The following FRMPD4 variants were observed in gnomAD, a reference collection of about 807,000 sequenced individuals.
FRMPD4 encodes FERM and PDZ domain containing 4.
In FRMPD4, 22 loss-of-function variants were observed where a neutral mutation model predicts 94.1. That is an observed-to-expected ratio of 0.23 (90% CI 0.17 to 0.33). The LOEUF (loss-of-function observed/expected upper bound fraction) is 0.33, where lower values mean the gene tolerates loss of function less well. Among genes scored for constraint, FRMPD4 ranks in the 10% least tolerant of loss-of-function variants. The pLI, the probability that FRMPD4 is intolerant of heterozygous loss-of-function variation, is 1.00. For missense variants in FRMPD4, 1,111 were observed against 1,339.9 expected, an observed-to-expected ratio of 0.83 and a Z score of 2.67; for synonymous variants, 631 against 548.6, an observed-to-expected ratio of 1.15 and a Z score of -2.10.
intron 1 of FRMPD4, among the ~76,000 whole-genome samples, chrX:12,439,346 C>T (rs767535246): frequency 3.6e-5 from 4 of 111,450 alleles, no homozygotes; most frequent in South Asian, 3.8e-4. Flanking sequence ...TGCAAACATC[C>T]GTGAAATGAT....
intron 1 of FRMPD4, among the ~76,000 whole-genome samples, chrX:12,163,780 C>A (rs992825740): frequency 8.9e-6 from 1 of 112,235 alleles, no homozygotes; most frequent in Non-Finnish European, 1.9e-5. Flanking sequence ...AAGGCACAGG[C>A]CCGCCTTTGA....
At chrX:12,228,511 T>C (rs2056948880) in intron 1 of FRMPD4, among the ~76,000 whole-genome samples, 1 of 112,102 alleles carries the variant, frequency 8.9e-6, no homozygotes, top group South Asian at 3.7e-4. Context: ...ACTCAGCATT[T>C]TTTAACCCTG....
At chrX:12,390,078 G>T (rs1228536310) in intron 1 of FRMPD4, among the ~76,000 whole-genome samples, 1 of 111,860 alleles carries the variant, frequency 8.9e-6, no homozygotes, top group Non-Finnish European at 1.9e-5. Context: ...CTCCAGAATA[G>T]TTCTAATGCA....
chrX:12,532,903 C>T lies in FRMPD4; in HGVS notation c.158+34107C>T, dbSNP rs776011563. On this transcript the variant is annotated intron_variant, in intron 2 of 16. Coordinates refer to ENST00000675598, the MANE Select transcript of FRMPD4 (RefSeq NM_001368397.1). ...AAGAGTGCTAAGATTGAGAAACCTG[C>T]GACAGCCTTTTAAAAATATTATTTT... is the stretch of plus-strand genomic sequence containing the variant. Among the ~76,000 whole-genome samples, 7 of 112,295 alleles carry T rather than the reference C, an allele frequency of 6.2e-5. No homozygotes were observed. The East Asian group carries it at 8.3e-4, about 13-fold the overall frequency.
At chrX:12,427,578 T>C (rs7890035) in intron 1 of FRMPD4, among the ~76,000 whole-genome samples, 3,287 of 111,639 alleles carry the variant, frequency 0.029, 122 homozygotes, top group African/African-American at 0.1. Context: ...TCTTCTGGGA[T>C]GATGTGAGCC....
intron 4 of FRMPD4, among the ~76,000 whole-genome samples, chrX:12,649,567 A>C (rs897710128): frequency 9.0e-6 from 1 of 111,725 alleles, no homozygotes. Flanking sequence ...GTAAATGAGA[A>C]GATATGAGGA....
At chrX:12,010,494 G>A (rs1249510989) in intron 3 of FRMPD4, among the ~76,000 whole-genome samples, 1 of 111,923 alleles carries the variant, frequency 8.9e-6, no homozygotes, top group East Asian at 2.8e-4. Context: ...TTTCTGTGAT[G>A]AGCCAGTTAG....
chrX:11,882,769 T>C (rs2053821115), intron 3 of FRMPD4, among the ~76,000 whole-genome samples: 1 of 111,558 alleles, frequency 9.0e-6, no homozygotes, highest in Admixed American at 9.5e-5. Flanking sequence ...GCATTTTGGA[T>C]AAGAAATATT....
chrX:12,096,740 A>G (rs1275540112), intron 3 of FRMPD4, among the ~76,000 whole-genome samples: 7 of 111,364 alleles, frequency 6.3e-5, no homozygotes, highest in Non-Finnish European at 1.3e-4. Flanking sequence ...TTTAACAATT[A>G]GCTGGACATG....
At position 11,901,563 on chromosome X, in the gene FRMPD4, G is replaced by A. The variant is rs145483571; in HGVS notation, c.95+23545G>A. Among the ~76,000 whole-genome samples the A allele has an allele frequency of 5.3e-3, 596 of 112,070 alleles. 4 individuals are homozygous for A. Among genetic ancestry groups the A allele is most frequent in the African/African-American group, 0.019 (574 of 30,863 alleles). The stretch of plus-strand genomic sequence containing the variant: ...TGAAATATGCTGCTATAAACCATGC[G>A]TGTGCATGTGTCTTTCATATAACTT... On this transcript the variant is annotated intron_variant, in intron 3 of 18. Transcript: ENST00000640291.
chrX:11,832,441 G>A (rs1157346460), intron 1 of FRMPD4, among the ~76,000 whole-genome samples: 1 of 111,641 alleles, frequency 9.0e-6, no homozygotes, highest in East Asian at 2.8e-4. Context: ...CCTTTCAGCA[G>A]TTGTGCTGCA....
At chrX:11,848,229 T>C (rs2053593931) in intron 1 of FRMPD4, among the ~76,000 whole-genome samples, 1 of 110,923 alleles carries the variant, frequency 9.0e-6, no homozygotes, top group East Asian at 2.8e-4. Context: ...TTTTGTTTAG[T>C]AACTTGCCTG....
At chrX:12,052,409 G>C (rs1416158751) in intron 3 of FRMPD4, among the ~76,000 whole-genome samples, 2 of 112,423 alleles carry the variant, frequency 1.8e-5, no homozygotes, top group Non-Finnish European at 3.8e-5. Flanking sequence ...CTCAGTGAGA[G>C]AGTCAGAAGG....
chrX:12,397,254 CT>C (rs201820949), intron 1 of FRMPD4, among the ~76,000 whole-genome samples: 1 of 108,631 alleles, frequency 9.2e-6, no homozygotes, highest in East Asian at 2.9e-4. Context: ...TTTACAGAAA[CT>C]TTTTTTTAAA....
intron 2 of FRMPD4, among the ~76,000 whole-genome samples, chrX:12,585,526 A>G (rs183510586): frequency 8.9e-6 from 1 of 111,900 alleles, no homozygotes; most frequent in African/African-American, 3.2e-5. Flanking sequence ...ACCATAATCA[A>G]TTTTCAATTT....
chrX:12,627,781 CAG>C (rs993941664), intron 4 of FRMPD4, among the ~76,000 whole-genome samples: 2 of 111,794 alleles, frequency 1.8e-5, no homozygotes, highest in Non-Finnish European at 3.8e-5. Context: ...ATTGAAGAAT[CAG>C]AATAAATTTT....
At chrX:12,559,653 G>GAAAA (rs3066467) in intron 2 of FRMPD4, among the ~76,000 whole-genome samples, 305 of 95,268 alleles carry the variant, frequency 3.2e-3, no homozygotes, top group African/African-American at 8.1e-3. Flanking sequence ...CCGTCTCAAG[G>GAAAA]AAAAAAAAAA....
At chrX:12,073,552 C>T (rs2054987711) in intron 3 of FRMPD4, among the ~76,000 whole-genome samples, 1 of 111,862 alleles carries the variant, frequency 8.9e-6, no homozygotes. Flanking sequence ...TGTCCTATGG[C>T]CCATAATTTG....
intron 1 of FRMPD4, among the ~76,000 whole-genome samples, chrX:12,359,082 A>C (rs1314395352): frequency 8.9e-6 from 1 of 111,984 alleles, no homozygotes; most frequent in Non-Finnish European, 1.9e-5. Flanking sequence ...ATCTCTTTCC[A>C]TGATGCTGCA....
Sources: allele counts gnomAD v4.1 joint callset (sites outside exome capture counted in the v4.1 genomes callset), GRCh38; gene constraint gnomAD v4.1.1; transcripts MANE v1.5; gene names NCBI Gene and HGNC (gene_info 2026-07-23, HGNC 2026-07-21).